UTRN: variants seen among roughly 807,000 people sequenced by gnomAD.
UTRN encodes dystrophin-related protein 1.
A neutral mutation model predicts 463.9 loss-of-function variants in UTRN; 283 were observed. That is an observed-to-expected ratio of 0.61 (90% confidence interval 0.55 to 0.67). The LOEUF (loss-of-function observed/expected upper bound fraction) is 0.67. Among genes scored for constraint, UTRN ranks in the 30% least tolerant of loss-of-function variants. UTRN has a pLI of 0.00. For missense variants in UTRN, 3,922 were observed against 4,084.3 expected (o/e 0.96, Z 1.08); for synonymous variants, 1,442 against 1,431.5 (o/e 1.01, Z -0.17).
At chr6:144,487,468 C>G in intron 28 of UTRN, 80 bp from the exon 29 acceptor site, 1 of 1,362,824 alleles carries the variant, frequency 7.3e-7, no homozygotes, top group Non-Finnish European at 9.7e-7. Flanking sequence ...ACTTGTTTAA[C>G]AAATAGACAT....
At chr6:144,724,426 A>G (rs1562820605) in intron 53 of UTRN, among the ~76,000 whole-genome samples, 1 of 151,752 alleles carries the variant, frequency 6.6e-6, no homozygotes, top group Non-Finnish European at 1.5e-5. Context: ...ATGGGGTTTC[A>G]CCATATTGGC....
intron 61 of UTRN, among the ~76,000 whole-genome samples, chr6:144,783,547 C>T (rs906667251): frequency 6.6e-6 from 1 of 152,128 alleles, no homozygotes; most frequent in Non-Finnish European, 1.5e-5. Context: ...AAATATCCAT[C>T]ACCTGAAATA....
chr6:144,800,933 A>G (rs1173016546), intron 64 of UTRN, among the ~76,000 whole-genome samples: 1 of 152,182 alleles, frequency 6.6e-6, no homozygotes, highest in East Asian at 1.9e-4. Flanking sequence ...GCAAGATGGT[A>G]GAGGTGTTAA....
chr6:144,518,925 A>G (rs1337958964), intron 39 of UTRN, among the ~76,000 whole-genome samples: 1 of 152,196 alleles, frequency 6.6e-6, no homozygotes, highest in African/African-American at 2.4e-5. Context: ...AAAAAACTAC[A>G]GTGCCCAAAT....
intron 51 of UTRN, among the ~76,000 whole-genome samples, chr6:144,618,369 G>A (rs1483410122): frequency 6.6e-6 from 1 of 152,078 alleles, no homozygotes; most frequent in Non-Finnish European, 1.5e-5. Flanking sequence ...TTCCTTGAGT[G>A]TATTCCTTAA....
intron 3 of UTRN, among the ~76,000 whole-genome samples, chr6:144,412,220 T>A (rs1783958781): frequency 6.6e-6 from 1 of 152,212 alleles, no homozygotes; most frequent in South Asian, 2.1e-4. Context: ...TTTTATGCAG[T>A]AATACATAAA....
At chr6:144,806,656 C>T (rs1249015934) in intron 65 of UTRN, among the ~76,000 whole-genome samples, 3 of 108,642 alleles carry the variant, frequency 2.8e-5, no homozygotes, top group Non-Finnish European at 4.1e-5. Flanking sequence ...TCCAACTGGA[C>T]CCCATTTTAC....
At chr6:144,772,614 A>G (rs1794199684) in intron 59 of UTRN, among the ~76,000 whole-genome samples, 1 of 152,220 alleles carries the variant, frequency 6.6e-6, no homozygotes, top group Non-Finnish European at 1.5e-5. Context: ...ATTACAATAT[A>G]GCCAACTTTA....
At chr6:144,749,358 C>A (rs528368423) in intron 55 of UTRN, among the ~76,000 whole-genome samples, 1 of 152,238 alleles carries the variant, frequency 6.6e-6, no homozygotes, top group Non-Finnish European at 1.5e-5. Flanking sequence ...ATAATGTTAA[C>A]TGCCTAAAAT....
At chr6:144,699,888 T>A in intron 52 of UTRN, among the ~76,000 whole-genome samples, 199 bp from the exon 53 acceptor site, 1 of 148,418 alleles carries the variant, frequency 6.7e-6, no homozygotes, top group East Asian at 1.9e-4. Context: ...ATTGTATATA[T>A]GTATATCATA....
At chr6:144,480,757 G>C (rs1791773003) in intron 26 of UTRN, among the ~76,000 whole-genome samples, 1 of 152,040 alleles carries the variant, frequency 6.6e-6, no homozygotes, top group Admixed American at 6.6e-5. Context: ...TTTCCTGTAA[G>C]CTTAAGCAAC....
chr6:144,287,007 A>C (rs1803740379), intron 1 of UTRN, among the ~76,000 whole-genome samples: 1 of 151,524 alleles, frequency 6.6e-6, no homozygotes, highest in Admixed American at 6.6e-5. Flanking sequence ...CGGATTCCCT[A>C]GGTCTGAGCC....
At chr6:144,782,159 C>T in intron 61 of UTRN, 36 bp downstream of exon 61, 1 of 1,505,710 alleles carries the variant, frequency 6.6e-7, no homozygotes, top group Non-Finnish European at 9.0e-7. Context: ...AATACGATCA[C>T]TGAATGAAAT....
chr6:144,839,979 T>G (rs1479568675), intron 72 of UTRN, among the ~76,000 whole-genome samples: 4 of 152,158 alleles, frequency 2.6e-5, no homozygotes, highest in Non-Finnish European at 5.9e-5. Flanking sequence ...GGCTCCCGCC[T>G]GTAATCCCAG....
chr6:144,375,443 CT>C (rs1459350997), intron 2 of UTRN, among the ~76,000 whole-genome samples: 1 of 152,128 alleles, frequency 6.6e-6, no homozygotes, highest in Non-Finnish European at 1.5e-5. Flanking sequence ...TGGGCTATAC[CT>C]TTCATTTCTG....
chr6:144,344,067 C>G lies in UTRN; in HGVS notation c.79+52160C>G, dbSNP rs1562271650. The G allele has an allele frequency of 4.7e-6, 5 of 1,057,992 alleles. No homozygotes were observed. The South Asian group carries it at 5.0e-5, about 11-fold the overall frequency. The allele number at this position is 1,057,992 out of a possible 1,614,324, so 65.5% of individuals were successfully genotyped here. On this transcript the variant is annotated intron_variant, in intron 2 of 74. Transcript: ENST00000367545. ...GTGGGGTTAGGTTTAGTCAGATCCT[C>G]TCATGGGAAAAATAAAAGCCACCAA...
chr6:144,830,774 T>C (rs1007570633), intron 69 of UTRN, among the ~76,000 whole-genome samples: 7 of 152,014 alleles, frequency 4.6e-5, no homozygotes, highest in Admixed American at 2.0e-4. Flanking sequence ...TTAGTGTTAG[T>C]GTATTTAATG....
rs566704125 is a variant in UTRN at position 144,651,519 on chromosome 6, T to C, written c.7480-26887T>C. Among the ~76,000 whole-genome samples, 4 of 152,314 alleles carry C rather than the reference T, an allele frequency of 2.6e-5. No homozygotes were observed. In the East Asian group the frequency reaches 7.7e-4, roughly 29 times the overall value. The stretch of plus-strand genomic sequence containing the variant: ...GTGTTATTCTTTCTTTTTTATCCCA[T>C]GAAATATATACTATAGGGCCAGGAT... On this transcript the variant is annotated intron_variant, in intron 51 of 74. Transcript: ENST00000367545.
rs1034473754 is a variant in UTRN, at chr6:144,840,835, G to A, written c.10270+3G>A. On this transcript the variant is annotated splice_donor_region_variant and intron_variant, in intron 73 of 74. Coordinates refer to ENST00000367545, the MANE Select transcript of UTRN (RefSeq NM_007124.3). ...CAGCACGTTTCCATCTTGCTGCCGT[G>A]AGTATGAAAGATTGCAGCACCACAG... The A allele has an allele frequency of 1.2e-6, 2 of 1,613,706 alleles. No homozygotes were observed. Among genetic ancestry groups the A allele is most frequent in the African/African-American group, 1.3e-5 (1 of 74,940 alleles).
Sources: gnomAD v4.1 joint callset for allele counts (sites outside exome capture counted in the v4.1 genomes callset) on GRCh38, gnomAD v4.1.1 for gene constraint, MANE v1.5 for transcripts, NCBI Gene and HGNC (gene_info 2026-07-23, HGNC 2026-07-21) for gene names.